Variants in KCTD1 observed in about 807,000 individuals in gnomAD.
KCTD1 encodes potassium channel tetramerization domain containing 1.
A neutral mutation model predicts 66.0 loss-of-function variants in KCTD1; 24 were observed. The ratio of observed to expected loss-of-function variants is 0.36; its 90% CI spans 0.26 to 0.51. The LOEUF (loss-of-function observed/expected upper bound fraction) is 0.51, where lower values mean the gene tolerates loss of function less well. KCTD1 is among the 20% of genes least tolerant of loss of function. The pLI, the probability that KCTD1 is intolerant of heterozygous loss-of-function variation, is 0.95. For synonymous variants in KCTD1, 511 were observed against 517.2 expected, an observed-to-expected ratio of 0.99 and a Z score of 0.16; for missense variants, 943 against 1,205.2, an observed-to-expected ratio of 0.78 and a Z score of 3.22.
At chr18:26,545,279 CATTT>C (rs1184401621) in intron 1 of KCTD1, 1 of 152,120 alleles carries the variant, frequency 6.6e-6, no homozygotes, top group Non-Finnish European at 1.5e-5. Flanking sequence ...AGAATATGAA[CATTT>C]ATTTTTGCTT....
chr18:26,621,374 A>G (rs541794797), intron 1 of KCTD1, among the ~76,000 whole-genome samples: 3 of 152,220 alleles, frequency 2.0e-5, no homozygotes, highest in South Asian at 4.2e-4. Context: ...GTTTCCTGCT[A>G]TACGGGAAGC....
At chr18:26,588,876 A>C (rs573788916) in intron 1 of KCTD1, among the ~76,000 whole-genome samples, 4 of 109,470 alleles carry the variant, frequency 3.7e-5, no homozygotes, top group Non-Finnish European at 7.9e-5. Context: ...GCAAAGCCCT[A>C]ATATATACAG....
rs1388070083 is a variant in KCTD1, at chr18:26,593,492, GGAGGAGGAGGAAGAT to G, written c.-16+35640_-16+35654del. ...AGGAGAAGGAGGAGGAAGAAGACAA[GGAGGAGGAGGAAGAT>G]GAGGAGGAGGAAGAAGACAAGGAGA... On this transcript the variant is annotated intron_variant, in intron 1 of 4. Coordinates refer to the KCTD1 transcript ENST00000317932. Among the ~76,000 whole-genome samples the G allele has an allele frequency of 7.7e-4, 68 of 87,986 alleles. 1 individual carries two copies. Among genetic ancestry groups the G allele is most frequent in the African/African-American group, 2.9e-3 (63 of 21,818 alleles). 57.7% of individuals were successfully genotyped at this position (87,986 alleles called of 152,430 possible).
intron 1 of KCTD1, chr18:26,600,360 A>T: frequency 7.8e-7 from 1 of 1,284,912 alleles, no homozygotes; most frequent in Non-Finnish European, 1.1e-6. Flanking sequence ...CTGACATGGG[A>T]CCCATCTGCT....
At chr18:26,480,629 G>A (rs1235995550) in intron 2 of KCTD1, among the ~76,000 whole-genome samples, 2 of 152,098 alleles carry the variant, frequency 1.3e-5, no homozygotes, top group Non-Finnish European at 2.9e-5. Context: ...TTAGCCGGGC[G>A]TGGTGGCACG....
chr18:26,634,844 T>C (rs1032322210), intron 1 of KCTD1, among the ~76,000 whole-genome samples: 1 of 152,164 alleles, frequency 6.6e-6, no homozygotes, highest in Non-Finnish European at 1.5e-5. Context: ...CAACCATGGA[T>C]CTGAATGCGG....
intron 1 of KCTD1, among the ~76,000 whole-genome samples, chr18:26,533,512 T>A (rs1984545947): frequency 1.3e-5 from 2 of 152,192 alleles, no homozygotes; most frequent in Non-Finnish European, 2.9e-5. Context: ...TAAGTGGCCA[T>A]AAGAATTTTT....
chr18:26,522,469 G>A, intron 1 of KCTD1, among the ~76,000 whole-genome samples: 1 of 152,110 alleles, frequency 6.6e-6, no homozygotes, highest in Middle Eastern at 3.2e-3. Flanking sequence ...TCAGACTTCC[G>A]GCCTTCAGAA....
At chr18:26,535,008 A>C (rs1984623844) in intron 1 of KCTD1, among the ~76,000 whole-genome samples, 1 of 151,496 alleles carries the variant, frequency 6.6e-6, no homozygotes. Context: ...TTGTAGTAAG[A>C]AGTCAGGTGA....
At chr18:26,594,855 T>A (rs1986730387) in intron 1 of KCTD1, among the ~76,000 whole-genome samples, 1 of 152,182 alleles carries the variant, frequency 6.6e-6, no homozygotes, top group African/African-American at 2.4e-5. Context: ...CAGGCTGTTT[T>A]TGGACTCTGG....
chr18:26,570,184 T>TAAAAA (rs10648043), intron 1 of KCTD1, among the ~76,000 whole-genome samples: 1,266 of 120,864 alleles, frequency 0.01, 12 homozygotes, highest in African/African-American at 0.027. Flanking sequence ...AGACTCCATC[T>TAAAAA]AAAAAAAATA....
upstream of KCTD1, chr18:26,629,312 C>T (rs1168167800): frequency 1.8e-5 from 8 of 432,928 alleles, no homozygotes; most frequent in Non-Finnish European, 2.5e-5. Context: ...ACCAACTGAG[C>T]TAACCAACCA....
chr18:26,506,220 T>C (rs140196658), intron 1 of KCTD1, among the ~76,000 whole-genome samples: 1 of 152,252 alleles, frequency 6.6e-6, no homozygotes, highest in Non-Finnish European at 1.5e-5. Flanking sequence ...CCAGACACTG[T>C]TCAAGGTGAT....
intron 3 of KCTD1, 43 bp from the exon 4 acceptor site, chr18:26,459,968 A>G (rs780701918): frequency 2.8e-5 from 40 of 1,424,392 alleles, no homozygotes; most frequent in Admixed American, 6.6e-5. Flanking sequence ...CTGCAAACAT[A>G]AAGTACTAAA....
rs1428189366 is a variant in KCTD1, at chr18:26,455,114, G to A, written c.*629C>T. On this transcript the variant is annotated 3_prime_UTR_variant, in exon 5 of 5. Transcript: ENST00000580059. ...CAAAACTGATCAGTTTTAAAACAAA[G>A]TAAAGTTCACATCTGTGAGGTGGAC... The A allele has an allele frequency of 6.6e-6, 1 of 152,254 alleles. No homozygotes were observed. Among genetic ancestry groups the A allele is most frequent in the Non-Finnish European group, 1.5e-5 (1 of 68,028 alleles). The allele number at this position is 152,254 out of a possible 1,614,324, so 9.4% of individuals were successfully genotyped here.
intron 2 of KCTD1, among the ~76,000 whole-genome samples, chr18:26,488,370 A>T (rs1420892710): frequency 2.0e-5 from 3 of 152,096 alleles, no homozygotes; most frequent in Non-Finnish European, 4.4e-5. Context: ...AGTGGGATAT[A>T]CTTAAAAGAG....
chr18:26,486,682 C>T (rs1250379911), intron 2 of KCTD1, among the ~76,000 whole-genome samples: 1 of 152,148 alleles, frequency 6.6e-6, no homozygotes, highest in African/African-American at 2.4e-5. Context: ...CCAGGTGGCC[C>T]CGTCTCTCCC....
At chr18:26,497,720 C>A (rs1982550684) in intron 2 of KCTD1, among the ~76,000 whole-genome samples, 1 of 152,222 alleles carries the variant, frequency 6.6e-6, no homozygotes, top group Non-Finnish European at 1.5e-5. Flanking sequence ...TGAGCAGCGT[C>A]ATTTGCTTTA....
intron 1 of KCTD1, among the ~76,000 whole-genome samples, chr18:26,619,179 G>A (rs1987319606): frequency 6.6e-6 from 1 of 152,184 alleles, no homozygotes; most frequent in African/African-American, 2.4e-5. Context: ...GCTTAGCTAA[G>A]TAGATATCAA....
Sources: allele counts gnomAD v4.1 joint callset (sites outside exome capture counted in the v4.1 genomes callset), GRCh38; gene constraint gnomAD v4.1.1; transcripts MANE v1.5; gene names NCBI Gene and HGNC (gene_info 2026-07-23, HGNC 2026-07-21).